The following ERC1 variants were observed in gnomAD, a reference collection of about 807,000 sequenced individuals.
ERC1 encodes RAB6 interacting protein 2.
In ERC1, 56 loss-of-function variants were observed where a neutral mutation model predicts 132.0. The ratio of observed to expected loss-of-function variants is 0.42; its 90% confidence interval spans 0.34 to 0.53. The LOEUF (loss-of-function observed/expected upper bound fraction) is 0.53, where lower values mean the gene tolerates loss of function less well. ERC1 is among the 20% of genes least tolerant of loss of function. The pLI is 0.03. For synonymous variants in ERC1, 478 were observed against 476.1 expected (o/e 1.00, Z -0.05); for missense variants, 1,202 against 1,349.9 (o/e 0.89, Z 1.72).
At chr12:1,356,212 AAGTGTGTGTGTGTGTGT>A (rs1230586309) in intron 15 of ERC1, among the ~76,000 whole-genome samples, 7 of 119,060 alleles carry the variant, frequency 5.9e-5, no homozygotes, top group Admixed American at 5.8e-4. Flanking sequence ...AAAAAAAAAA[AAGTGTGTGTGTGTGTGT>A]GTGTGTGTGT....
At chr12:1,097,305 T>C (rs1250414318) in intron 3 of ERC1, among the ~76,000 whole-genome samples, 1 of 152,240 alleles carries the variant, frequency 6.6e-6, no homozygotes, top group East Asian at 1.9e-4. Flanking sequence ...CCTTCCTTAA[T>C]GAAGGGTTGT....
intron 7 of ERC1, among the ~76,000 whole-genome samples, chr12:1,129,157 G>A (rs1045913188): frequency 6.6e-6 from 1 of 152,186 alleles, no homozygotes; most frequent in Non-Finnish European, 1.5e-5. Flanking sequence ...ATACAGCATA[G>A]TGGAACCATA....
At chr12:1,218,833 TACACACACAC>T (rs60378521) in intron 12 of ERC1, among the ~76,000 whole-genome samples, 3 of 148,492 alleles carry the variant, frequency 2.0e-5, no homozygotes, top group Non-Finnish European at 3.0e-5. Context: ...TATATATATA[TACACACACAC>T]ACACACACAC....
intron 2 of ERC1, among the ~76,000 whole-genome samples, chr12:1,044,782 A>G (rs1970818336): frequency 6.6e-6 from 1 of 152,210 alleles, no homozygotes. Context: ...TTGGATAACT[A>G]ATCACTACCA....
chr12:1,135,530 C>T (rs552032425), intron 7 of ERC1, among the ~76,000 whole-genome samples: 1 of 152,092 alleles, frequency 6.6e-6, no homozygotes, highest in South Asian at 2.1e-4. Flanking sequence ...CAGAATGTGA[C>T]CATATTTGGA....
chr12:1,206,393 A>T (rs942073987), intron 12 of ERC1, among the ~76,000 whole-genome samples: 2 of 152,032 alleles, frequency 1.3e-5, no homozygotes, highest in African/African-American at 4.8e-5. Flanking sequence ...GTTAATAGTG[A>T]TGCTTAGCTG....
At chr12:1,386,258 C>G (rs920708751) in intron 16 of ERC1, among the ~76,000 whole-genome samples, 1 of 149,636 alleles carries the variant, frequency 6.7e-6, no homozygotes, top group African/African-American at 2.5e-5. Context: ...AGGCTGGTCT[C>G]GAACTCCTGA....
chr12:1,190,135 T>TTAGATACACTGAAAA, intron 12 of ERC1, 83 bp downstream of exon 12: 1 of 1,208,996 alleles, frequency 8.3e-7, no homozygotes, highest in Non-Finnish European at 1.2e-6. Context: ...TTTTTCAGTG[T>TTAGATACACTGAAAA]ATCTAACTCT....
intron 15 of ERC1, among the ~76,000 whole-genome samples, chr12:1,365,007 G>A (rs940185894): frequency 2.0e-5 from 3 of 152,076 alleles, no homozygotes; most frequent in Admixed American, 6.6e-5. Flanking sequence ...CAGATTCAAT[G>A]TTCTGTTTTT....
At chr12:1,274,005 T>C (rs2078067201) in intron 14 of ERC1, among the ~76,000 whole-genome samples, 1 of 152,242 alleles carries the variant, frequency 6.6e-6, no homozygotes, top group South Asian at 2.1e-4. Context: ...GAAGACTAGA[T>C]CACTTTCAAG....
chr12:1,263,262 T>C, intron 14 of ERC1, 97 bp downstream of exon 14: 3 of 1,245,290 alleles, frequency 2.4e-6, no homozygotes, highest in Non-Finnish European at 3.4e-6. Context: ...ATTGTATGTT[T>C]ATAGGGTTTC....
At chr12:1,105,043 G>A (rs972601128) in intron 4 of ERC1, among the ~76,000 whole-genome samples, 3 of 152,192 alleles carry the variant, frequency 2.0e-5, no homozygotes, top group Non-Finnish European at 2.9e-5. Context: ...GAGTTGAACA[G>A]AATTTCTTTA....
chr12:1,038,690 G>C (rs114968222), intron 2 of ERC1, among the ~76,000 whole-genome samples: 75 of 152,298 alleles, frequency 4.9e-4, no homozygotes, highest in African/African-American at 1.7e-3. Context: ...ACTCAATGAA[G>C]ATTTTGAAGA....
intron 16 of ERC1, among the ~76,000 whole-genome samples, chr12:1,406,064 TG>T (rs1183804470): frequency 1.3e-5 from 2 of 152,210 alleles, no homozygotes; most frequent in African/African-American, 2.4e-5. Context: ...TAAAATGTAT[TG>T]GGTGTCAGTT....
At chr12:1,265,847 T>G (rs2077445853) in intron 14 of ERC1, among the ~76,000 whole-genome samples, 1 of 152,244 alleles carries the variant, frequency 6.6e-6, no homozygotes, top group African/African-American at 2.4e-5. Flanking sequence ...ACTCAGCATC[T>G]GCATTTAAGG....
chr12:1,425,258 G>T (rs2092599053), intron 17 of ERC1, among the ~76,000 whole-genome samples: 1 of 152,182 alleles, frequency 6.6e-6, no homozygotes, highest in Non-Finnish European at 1.5e-5. Flanking sequence ...TTGGTAGTTG[G>T]CAGTGAGAGC....
intron 13 of ERC1, among the ~76,000 whole-genome samples, chr12:1,248,726 A>G (rs1392199695): frequency 6.6e-6 from 1 of 152,218 alleles, no homozygotes; most frequent in East Asian, 1.9e-4. Context: ...CAAGAGTCAT[A>G]CAAAAGTGTT....
chr12:1,096,865 C>A (rs1264290508), intron 3 of ERC1, among the ~76,000 whole-genome samples: 1 of 152,190 alleles, frequency 6.6e-6, no homozygotes, highest in Admixed American at 6.5e-5. Flanking sequence ...CCAGCCAGAA[C>A]TCTCCCTTCC....
chr12:1,356,727 A>G (rs1473064695), intron 15 of ERC1, among the ~76,000 whole-genome samples: 4 of 152,160 alleles, frequency 2.6e-5, no homozygotes, highest in Non-Finnish European at 2.9e-5. Flanking sequence ...GCTAGAACCT[A>G]TAGGAGGATG....
Sources: gnomAD v4.1 joint callset for allele counts (sites outside exome capture counted in the v4.1 genomes callset) on GRCh38, gnomAD v4.1.1 for gene constraint, MANE v1.5 for transcripts, NCBI Gene and HGNC (gene_info 2026-07-23, HGNC 2026-07-21) for gene names.